KIF2C: variants seen among roughly 807,000 people sequenced by gnomAD.
The protein encoded by KIF2C is kinesin-like protein KIF2C.
KIF2C carries 34 observed loss-of-function variants against 97.4 expected under a neutral mutation model. The ratio of observed to expected loss-of-function variants is 0.35; its 90% CI spans 0.27 to 0.46. The LOEUF is 0.46. Among genes scored for constraint, KIF2C ranks in the 20% least tolerant of loss-of-function variants. The pLI is 1.00. For missense variants in KIF2C, 750 were observed against 907.6 expected (o/e 0.83, Z 2.23); for synonymous variants, 313 against 318.2 (o/e 0.98, Z 0.17).
At chr1:44,753,383 C>G (rs1649632772) in intron 6 of KIF2C, 129 bp downstream of exon 6, 2 of 1,033,708 alleles carry the variant, frequency 1.9e-6, no homozygotes, top group African/African-American at 3.3e-5. Flanking sequence ...ATGTTTTCCT[C>G]TGGCCATGGA....
At chr1:44,746,886 T>TTTTGTTTG in intron 2 of KIF2C, 1 of 1,015,648 alleles carries the variant, frequency 9.8e-7, no homozygotes, top group Non-Finnish European at 1.4e-6. Flanking sequence ...TATGTTGTTT[T>TTTTGTTTG]TTTGTTTGTT....
chr1:44,763,319 T>C (rs1414189632), intron 19 of KIF2C, among the ~76,000 whole-genome samples: 1 of 152,076 alleles, frequency 6.6e-6, no homozygotes, highest in African/African-American at 2.4e-5. Context: ...GCTCAGAGGA[T>C]TGCAGAGCAG....
At chr1:44,762,985 G>T (rs188507583) in intron 19 of KIF2C, among the ~76,000 whole-genome samples, 36 of 152,282 alleles carry the variant, frequency 2.4e-4, no homozygotes, top group African/African-American at 8.2e-4. Context: ...TGCAACTCTT[G>T]TGCTGAATCC....
At chr1:44,756,544 CTTTT>C (rs67641740) in intron 10 of KIF2C, among the ~76,000 whole-genome samples, 2 of 65,242 alleles carry the variant, frequency 3.1e-5, no homozygotes, top group East Asian at 5.0e-4. Context: ...GCTCTATCTG[CTTTT>C]TTTTTTTTTT....
At chr1:44,764,177 CTATATA>C (rs899484562) in intron 19 of KIF2C, among the ~76,000 whole-genome samples, 4 of 151,616 alleles carry the variant, frequency 2.6e-5, no homozygotes, top group African/African-American at 9.7e-5. Context: ...TACTCTCTCT[CTATATA>C]TATATGTTTT....
At position 44,739,970 on chromosome 1, in the gene KIF2C, C is replaced by T; in HGVS notation, c.38C>T (p.Pro13Leu). Residue 13 changes from proline (P) to leucine (L), a missense_variant, in exon 1 of 21, where the codon CCC becomes CTC. Transcript: ENST00000372224. The part of the protein sequence containing the change: ...MDSSLQARLF[P>L]GLAIKIQRSN... ...TCGTCGCTTCAGGCCCGCCTGTTTC[C>T]CGGTCTCGCTATCAAGATCCAACGC... 1 of 1,614,212 alleles carries T rather than the reference C, an allele frequency of 6.2e-7. No individual in the cohort carries two copies.
Position 44,760,326 on chromosome 1 carries a change from G to A in KIF2C, c.1414G>A (p.Ala472Thr), listed in dbSNP as rs764667307. The A allele has an allele frequency of 7.4e-6, 12 of 1,614,116 alleles. No individual in the cohort carries two copies. Among genetic ancestry groups the A allele is most frequent in the East Asian group, 6.7e-5 (3 of 44,888 alleles). ...CAACTCCAATTCCTCCCGCTCCCAC[G>A]CGTGCTTCCAAATTATTCTTCGAGC... ...FANSNSSRSHACFQIILRAKG... is the reference protein window; with the variant it reads ...FANSNSSRSHTCFQIILRAKG... The change falls in exon 15 of 21, where the codon GCG becomes ACG. Residue 472 changes from alanine (A) to threonine (T), a missense_variant. By Grantham distance (58) the Ala-to-Thr change is moderately conservative. Transcript: ENST00000372224. This position sits in a 1 kb window ranked among gnomAD's most constrained non-coding sequence, Gnocchi z 4.2.
intron 5 of KIF2C, among the ~76,000 whole-genome samples, 166 bp downstream of exon 5, chr1:44,750,730 A>G (rs942077152): frequency 1.3e-5 from 2 of 152,218 alleles, no homozygotes. Context: ...CTCTTTTTTA[A>G]AAAAACTTAA....
At chr1:44,766,701 C>T (rs1650487342) in intron 19 of KIF2C, 125 bp from the exon 20 acceptor site, 2 of 981,626 alleles carry the variant, frequency 2.0e-6, no homozygotes, top group East Asian at 5.4e-5. Context: ...GGGTGAACAG[C>T]CAGGGTATGG....
intron 6 of KIF2C, 38 bp from the exon 7 acceptor site, chr1:44,753,695 G>T (rs1274173867): frequency 1.4e-6 from 2 of 1,448,488 alleles, no homozygotes; most frequent in African/African-American, 2.9e-5. Context: ...AACAGAGTGG[G>T]CTTCCTTTTT....
Position 44,759,108 on chromosome 1 carries a change from T to C in KIF2C, c.1225-98T>C, listed in dbSNP as rs143059716. The stretch of plus-strand genomic sequence containing the variant: ...TCGTATTCTCTGCCTTTCCTGCTGC[T>C]GGCTCTTGTCCGAGCTGGGCAGGCT... On this transcript the variant is annotated intron_variant, in intron 13 of 20. Coordinates refer to ENST00000372224, the MANE Select transcript of KIF2C (RefSeq NM_006845.4). 6,376 of 1,482,550 alleles carry C rather than the reference T, an allele frequency of 4.3e-3. 23 individuals carry two copies. Among genetic ancestry groups the C allele is most frequent in the Non-Finnish European group, 5.2e-3 (5,625 of 1,075,480 alleles). 91.8% of individuals were successfully genotyped at this position (1,482,550 alleles called of 1,614,324 possible). A position where few individuals can be genotyped will look rare whatever the true frequency, so the allele number is the denominator to read the frequency against.
At chr1:44,752,061 C>A (rs1465394624) in intron 5 of KIF2C, among the ~76,000 whole-genome samples, 1 of 151,406 alleles carries the variant, frequency 6.6e-6, no homozygotes, top group Non-Finnish European at 1.5e-5. Flanking sequence ...ACCTCGTGAT[C>A]CACCCACCTC....
At chr1:44,746,898 GTTTGTTT>G (rs1167533952) in intron 2 of KIF2C, 12 of 972,642 alleles carry the variant, frequency 1.2e-5, no homozygotes, top group Middle Eastern at 2.3e-4. Flanking sequence ...TTGTTTGTTT[GTTTGTTT>G]TTTGTTTTTT....
At chr1:44,761,068 C>T in intron 16 of KIF2C, 1 of 244,700 alleles carries the variant, frequency 4.1e-6, no homozygotes, top group Non-Finnish European at 8.1e-6. Context: ...GGCTCCCAGC[C>T]TAGAAAATAG....
chr1:44,765,765 C>A (rs1326236059), intron 19 of KIF2C, among the ~76,000 whole-genome samples: 1 of 151,800 alleles, frequency 6.6e-6, no homozygotes, highest in Non-Finnish European at 1.5e-5. Flanking sequence ...TAAAAAGAAT[C>A]ATTTGACCGG....
At position 44,740,043 on chromosome 1, in the gene KIF2C, G is replaced by A. The variant is rs201256346; in HGVS notation, c.70+41G>A. ...CCTAGGTCAAGGGGACTCGTGAGCG[G>A]TGAGACGACTGAAATTACTGCCCGT... On this transcript the variant is annotated intron_variant, in intron 1 of 20. Transcript: ENST00000372224. 65 of 1,612,242 alleles carry A rather than the reference G, an allele frequency of 4.0e-5. No individual in the cohort carries two copies. The African/African-American group carries it at 7.5e-4, about 19-fold the overall frequency.
At chr1:44,746,084 C>A (rs998775677) in intron 2 of KIF2C, among the ~76,000 whole-genome samples, 13 of 151,708 alleles carry the variant, frequency 8.6e-5, no homozygotes, top group African/African-American at 3.1e-4. Flanking sequence ...CACCGTGTTG[C>A]CCAGGCTGGC....
chr1:44,765,957 C>T (rs907127100), intron 19 of KIF2C, among the ~76,000 whole-genome samples: 8 of 152,146 alleles, frequency 5.3e-5, no homozygotes, highest in African/African-American at 1.7e-4. Flanking sequence ...GAGGCTGAGG[C>T]AGGAGAATCA....
intron 19 of KIF2C, among the ~76,000 whole-genome samples, chr1:44,763,098 T>G (rs1453126034): frequency 1.3e-5 from 2 of 152,318 alleles, no homozygotes; most frequent in East Asian, 3.9e-4. Flanking sequence ...TGAAATTCAT[T>G]TAGCCTCACT....
Sources: gnomAD v4.1 joint callset for allele counts (sites outside exome capture counted in the v4.1 genomes callset) on GRCh38, gnomAD v4.1.1 for gene constraint, Gnocchi (gnomAD v3.1) non-coding constraint, MANE v1.5 for transcripts, NCBI Gene and HGNC (gene_info 2026-07-23, HGNC 2026-07-21) for gene names.